Variants in CPED1 observed in about 807,000 individuals in gnomAD.
CPED1 encodes cadherin-like and PC-esterase domain-containing protein 1.
CPED1 carries 114 observed loss-of-function variants against 128.2 expected under a neutral mutation model. That is an observed-to-expected ratio of 0.89 (90% CI 0.76 to 1.04). The LOEUF (loss-of-function observed/expected upper bound fraction) is 1.04, where lower values mean the gene tolerates loss of function less well. Among genes scored for constraint, CPED1 ranks in the 50% least tolerant of loss-of-function variants. The pLI, the probability that CPED1 is intolerant of heterozygous loss-of-function variation, is 0.00. For missense variants in CPED1, 1,211 were observed against 1,207.1 expected (o/e 1.00, Z -0.05); for synonymous variants, 462 against 426.7 (o/e 1.08, Z -1.02).
intron 16 of CPED1, among the ~76,000 whole-genome samples, chr7:121,199,853 T>A (rs1364857435): frequency 6.6e-6 from 1 of 152,118 alleles, no homozygotes; most frequent in Non-Finnish European, 1.5e-5. Context: ...AGAGGTGAAG[T>A]TAATTTAAAA....
At chr7:121,146,965 T>C (rs752497462) in intron 16 of CPED1, among the ~76,000 whole-genome samples, 5 of 152,104 alleles carry the variant, frequency 3.3e-5, no homozygotes, top group Non-Finnish European at 7.4e-5. Context: ...TCTTTATTGT[T>C]GGATGTTTAG....
chr7:121,278,813 A>C (rs1047933827), intron 22 of CPED1, among the ~76,000 whole-genome samples: 1 of 152,172 alleles, frequency 6.6e-6, no homozygotes, highest in African/African-American at 2.4e-5. Flanking sequence ...AAGGATAATT[A>C]AATGGAGGGT....
chr7:121,097,447 C>T (rs1563024087), intron 5 of CPED1, among the ~76,000 whole-genome samples: 1 of 152,154 alleles, frequency 6.6e-6, no homozygotes, highest in African/African-American at 2.4e-5. Flanking sequence ...TCTACCTCCC[C>T]TTCTGAGCAA....
At chr7:121,060,692 A>G (rs984681935) in intron 4 of CPED1, among the ~76,000 whole-genome samples, 3 of 152,204 alleles carry the variant, frequency 2.0e-5, no homozygotes, top group Non-Finnish European at 2.9e-5. Context: ...AAAACAGACT[A>G]CTGGGCTCTA....
intron 16 of CPED1, among the ~76,000 whole-genome samples, chr7:121,152,979 C>T (rs533852156): frequency 1.6e-4 from 24 of 152,088 alleles, no homozygotes; most frequent in Non-Finnish European, 3.2e-4. Context: ...ATTTTATTAG[C>T]GGTCTCAGAA....
intron 13 of CPED1, among the ~76,000 whole-genome samples, chr7:121,134,387 G>T (rs1302508069): frequency 6.6e-6 from 1 of 152,016 alleles, no homozygotes; most frequent in Non-Finnish European, 1.5e-5. Flanking sequence ...TGATCTCACA[G>T]AAGTAGAGAG....
intron 18 of CPED1, among the ~76,000 whole-genome samples, chr7:121,253,462 T>C (rs1798735109): frequency 6.7e-6 from 1 of 149,328 alleles, no homozygotes; most frequent in African/African-American, 2.5e-5. Flanking sequence ...TAAAGTATAA[T>C]AATAATAAAA....
chr7:120,993,288 T>G (rs184165360), intron 2 of CPED1, among the ~76,000 whole-genome samples: 1 of 152,194 alleles, frequency 6.6e-6, no homozygotes, highest in Non-Finnish European at 1.5e-5. Context: ...AAAATCTCCT[T>G]AATATATGCT....
intron 16 of CPED1, among the ~76,000 whole-genome samples, chr7:121,235,315 A>G (rs765816984): frequency 9.2e-5 from 14 of 152,006 alleles, no homozygotes; most frequent in African/African-American, 1.7e-4. Flanking sequence ...AATACAAATC[A>G]TTTTTCTAAT....
At chr7:121,168,141 T>C (rs913642813) in intron 16 of CPED1, among the ~76,000 whole-genome samples, 3 of 152,198 alleles carry the variant, frequency 2.0e-5, no homozygotes, top group Non-Finnish European at 2.9e-5. Flanking sequence ...GCTTACATTC[T>C]GAACGCTATC....
chr7:121,017,669 T>C (rs1792336184), intron 3 of CPED1, among the ~76,000 whole-genome samples: 1 of 152,212 alleles, frequency 6.6e-6, no homozygotes, highest in Non-Finnish European at 1.5e-5. Flanking sequence ...TATCTGTACA[T>C]TTCAACTTGA....
intron 16 of CPED1, among the ~76,000 whole-genome samples, chr7:121,235,736 A>G (rs941987334): frequency 6.6e-6 from 1 of 152,192 alleles, no homozygotes; most frequent in African/African-American, 2.4e-5. Flanking sequence ...AGACCCAGAC[A>G]AATAATAAAC....
intron 5 of CPED1, among the ~76,000 whole-genome samples, chr7:121,080,386 A>G (rs976173675): frequency 2.2e-4 from 34 of 152,292 alleles, no homozygotes; most frequent in African/African-American, 6.0e-4. Context: ...CTGAACCATT[A>G]TGTTTGCAAC....
intron 16 of CPED1, among the ~76,000 whole-genome samples, chr7:121,197,438 C>G (rs539207390): frequency 6.6e-6 from 1 of 152,264 alleles, no homozygotes; most frequent in Non-Finnish European, 1.5e-5. Flanking sequence ...GTTCTCAGCA[C>G]TTTACAGAAA....
intron 14 of CPED1, among the ~76,000 whole-genome samples, chr7:121,139,099 AG>A (rs1372876327): frequency 7.2e-5 from 11 of 151,974 alleles, no homozygotes; most frequent in Non-Finnish European, 1.6e-4. Context: ...AGAAAATTTC[AG>A]GGGCTGTTAG....
intron 3 of CPED1, among the ~76,000 whole-genome samples, chr7:121,027,742 G>GTAATAATAA (rs10682627): frequency 0.014 from 2,053 of 143,460 alleles, 28 homozygotes; most frequent in African/African-American, 0.03. Context: ...ATAACCTTTA[G>GTAATAATAA]TAATAATAAT....
chr7:121,064,581 T>TA (rs1793778162), intron 5 of CPED1, among the ~76,000 whole-genome samples: 1 of 152,236 alleles, frequency 6.6e-6, no homozygotes, highest in African/African-American at 2.4e-5. Flanking sequence ...TATTTGTTTT[T>TA]AAAACAATTG....
At position 120,995,945 on chromosome 7, in the gene CPED1, T is replaced by TCTC. The variant is rs10572580; in HGVS notation, c.249+6099_249+6101dup. Among the ~76,000 whole-genome samples, 131 of 147,594 alleles carry TCTC rather than the reference T, an allele frequency of 8.9e-4. 2 individuals carry two copies. Among genetic ancestry groups the TCTC allele is most frequent in the Admixed American group, 4.2e-3 (63 of 14,892 alleles). On this transcript the variant is annotated intron_variant, in intron 2 of 22. Coordinates refer to ENST00000310396, the MANE Select transcript of CPED1 (RefSeq NM_024913.5). ...TCCTCCTCCTTCTCCTCCTCCTTCT[T>TCTC]CTCCTCCTCCTCCTCCTCCTCCTCC...
At chr7:121,053,738 A>T (rs758442130) in intron 4 of CPED1, among the ~76,000 whole-genome samples, 2 of 152,144 alleles carry the variant, frequency 1.3e-5, no homozygotes, top group African/African-American at 2.4e-5. Context: ...ATAATTATTA[A>T]TTGGAATTCT....
Sources: gnomAD v4.1 joint callset for allele counts (sites outside exome capture counted in the v4.1 genomes callset) on GRCh38, gnomAD v4.1.1 for gene constraint, MANE v1.5 for transcripts, NCBI Gene and HGNC (gene_info 2026-07-23, HGNC 2026-07-21) for gene names.